Variants in CRADD observed in about 807,000 individuals in gnomAD.
The protein encoded by CRADD is CARD and death domain containing adaptor protein, also known as death domain-containing protein CRADD.
In CRADD, 9 loss-of-function variants were observed where a neutral mutation model predicts 15.5. The observed-to-expected ratio is 0.58, with a 90% CI of 0.35 to 1.01. CRADD has a LOEUF of 1.01. CRADD is among the 50% of genes least tolerant of loss of function. CRADD has a pLI of 0.02. For synonymous variants in CRADD, 118 were observed against 107.6 expected (o/e 1.10, Z -0.60); for missense variants, 227 against 250.3 (o/e 0.91, Z 0.63).
chr12:93,725,595 G>A (rs1956347981), intron 2 of CRADD, among the ~76,000 whole-genome samples: 1 of 152,194 alleles, frequency 6.6e-6, no homozygotes, highest in Non-Finnish European at 1.5e-5. Context: ...AAAATAAAAA[G>A]CTGGGAATAT....
At chr12:93,691,800 A>G (rs73218889) in intron 2 of CRADD, among the ~76,000 whole-genome samples, 5,122 of 152,308 alleles carry the variant, frequency 0.034, 122 homozygotes, top group Admixed American at 0.055. Flanking sequence ...CCTGGTAGCT[A>G]ACTTCAAGAA....
intron 2 of CRADD, among the ~76,000 whole-genome samples, chr12:93,822,794 A>G (rs1957782489): frequency 6.6e-6 from 1 of 152,236 alleles, no homozygotes; most frequent in Non-Finnish European, 1.5e-5. Context: ...ACACTCTGTA[A>G]TGATTAAGCC....
chr12:93,719,909 T>C lies in CRADD; in HGVS notation c.298+40837T>C, dbSNP rs115613271. ...AACATTGCTTTATTGATTTTTTCCA[T>C]TGATTTCTTGTGTTCTCTTTCGTTA... On this transcript the variant is annotated intron_variant, in intron 2 of 2. Coordinates refer to ENST00000332896, the MANE Select transcript of CRADD (RefSeq NM_003805.5). Among the ~76,000 whole-genome samples, 527 of 152,264 alleles carry C rather than the reference T, an allele frequency of 3.5e-3. 1 individual carries two copies. Among genetic ancestry groups the C allele is most frequent in the African/African-American group, 0.012 (493 of 41,576 alleles).
intron 2 of CRADD, among the ~76,000 whole-genome samples, chr12:93,773,152 A>G (rs139822288): frequency 7.9e-5 from 12 of 152,360 alleles, no homozygotes; most frequent in Admixed American, 2.0e-4. Flanking sequence ...GTATATATGC[A>G]ATATGTCTTA....
intron 2 of CRADD, among the ~76,000 whole-genome samples, chr12:93,724,929 C>T (rs372372165): frequency 2.0e-5 from 3 of 151,910 alleles, no homozygotes; most frequent in African/African-American, 4.8e-5. Flanking sequence ...GGCGCGATCT[C>T]GGCTCACTGC....
intron 2 of CRADD, among the ~76,000 whole-genome samples, chr12:93,841,762 C>T (rs1195101278): frequency 2.0e-5 from 3 of 152,288 alleles, no homozygotes; most frequent in Non-Finnish European, 2.9e-5. Flanking sequence ...CTTAAATGTC[C>T]TCACAGCAGG....
At chr12:93,784,599 T>A (rs1957254676) in intron 2 of CRADD, among the ~76,000 whole-genome samples, 1 of 152,068 alleles carries the variant, frequency 6.6e-6, no homozygotes, top group African/African-American at 2.4e-5. Flanking sequence ...AAACCCTTTG[T>A]TCTGTGTCAG....
chr12:93,771,929 G>A (rs1957089488), intron 2 of CRADD, among the ~76,000 whole-genome samples: 1 of 152,216 alleles, frequency 6.6e-6, no homozygotes, highest in Non-Finnish European at 1.5e-5. Context: ...AAAAGCAATA[G>A]TGCAAACAGT....
chr12:93,856,513 A>T (rs7965648), intron 2 of CRADD, among the ~76,000 whole-genome samples: 5,506 of 152,332 alleles, frequency 0.036, 330 homozygotes, highest in African/African-American at 0.12. Context: ...TAATACTTCA[A>T]CTGAGCTTTT....
intron 2 of CRADD, among the ~76,000 whole-genome samples, chr12:93,768,314 T>C (rs1336099607): frequency 1.3e-5 from 2 of 152,208 alleles, no homozygotes; most frequent in Non-Finnish European, 2.9e-5. Flanking sequence ...AACATTCATA[T>C]TGCTTCACAA....
At chr12:93,836,718 G>C (rs1020013808) in intron 2 of CRADD, among the ~76,000 whole-genome samples, 1 of 152,192 alleles carries the variant, frequency 6.6e-6, no homozygotes, top group East Asian at 1.9e-4. Context: ...TCATTGTAAT[G>C]AATCATTCCT....
intron 2 of CRADD, among the ~76,000 whole-genome samples, chr12:93,713,391 C>T (rs921092028): frequency 6.6e-6 from 1 of 152,084 alleles, no homozygotes; most frequent in Non-Finnish European, 1.5e-5. Flanking sequence ...TTATAGACTA[C>T]CATGTAATAT....
intron 2 of CRADD, among the ~76,000 whole-genome samples, chr12:93,804,674 G>T (rs919356508): frequency 6.6e-6 from 1 of 152,064 alleles, no homozygotes; most frequent in Non-Finnish European, 1.5e-5. Context: ...TTGAAATGTG[G>T]CTGTTTCATC....
rs148279677 is a variant in CRADD at position 93,848,017 on chromosome 12, C to T, written c.299-1953C>T. Among the ~76,000 whole-genome samples the T allele has an allele frequency of 3.3e-5, 5 of 152,156 alleles. No individual in the cohort carries two copies. In the East Asian group the frequency reaches 7.7e-4, roughly 23 times the overall value. Reference sequence around the variant, plus strand: ...TCATATGTTATCATTTTAAATGAACCCATTACCCTCTATCTAGCCTTCTAC... The same window carrying T: ...TCATATGTTATCATTTTAAATGAACTCATTACCCTCTATCTAGCCTTCTAC... On this transcript the variant is annotated intron_variant, in intron 2 of 2. Transcript: ENST00000332896.
In CRADD at chr12:93,746,782, A is replaced by ATT. The variant is rs34041721; in HGVS notation, c.298+67724_298+67725dup. On this transcript the variant is annotated intron_variant, in intron 2 of 2. Transcript: ENST00000332896. Reference sequence around the variant, plus strand: ...TGAGACCAGATTTTGCTGAATTTGGATTTTTTTTTTTTTTTGAAGAAGGAA... The same window carrying ATT: ...TGAGACCAGATTTTGCTGAATTTGGATTTTTTTTTTTTTTTTTGAAGAAGGAA... 4.4e-3 allele frequency among the ~76,000 whole-genome samples: 629 copies of ATT among 144,356 alleles called. 5 individuals carry two copies. The highest frequency in any genetic ancestry group is 0.015 in the African/African-American group (582 of 39,484). The allele number at this position is 144,356 out of a possible 152,430, so 94.7% of individuals were successfully genotyped here.
intron 2 of CRADD, among the ~76,000 whole-genome samples, chr12:93,795,223 A>G (rs187657598): frequency 6.6e-6 from 1 of 152,216 alleles, no homozygotes. Flanking sequence ...GAATAAACAA[A>G]TGAATTACTT....
chr12:93,738,541 A>G (rs1956619953), intron 2 of CRADD: 2 of 697,524 alleles, frequency 2.9e-6, no homozygotes, highest in Admixed American at 2.0e-5. Flanking sequence ...TGGAAGAAAC[A>G]AACTCATTCC....
intron 2 of CRADD, among the ~76,000 whole-genome samples, chr12:93,782,330 C>T (rs1404659124): frequency 5.0e-5 from 4 of 79,550 alleles, no homozygotes; most frequent in African/African-American, 1.0e-4. Context: ...CATCACACAC[C>T]GGGGACTGTT....
intron 2 of CRADD, among the ~76,000 whole-genome samples, chr12:93,766,660 C>G (rs1957029736): frequency 6.6e-6 from 1 of 152,236 alleles, no homozygotes; most frequent in Admixed American, 6.5e-5. Context: ...CAAGGTGAAA[C>G]TGGTCCTCGT....
Sources: allele counts gnomAD v4.1 joint callset (sites outside exome capture counted in the v4.1 genomes callset), GRCh38; gene constraint gnomAD v4.1.1; transcripts MANE v1.5; gene names NCBI Gene and HGNC (gene_info 2026-07-23, HGNC 2026-07-21).